The following HS2ST1 variants were observed in gnomAD, a reference collection of about 807,000 sequenced individuals.
HS2ST1 encodes 2-O-sulfotransferase.
Under a neutral mutation model 42.9 loss-of-function variants are expected in HS2ST1, and 18 were observed. The ratio of observed to expected loss-of-function variants is 0.42; its 90% CI spans 0.29 to 0.62. The LOEUF (loss-of-function observed/expected upper bound fraction) is 0.62, where lower values mean the gene tolerates loss of function less well. Ranked by LOEUF, HS2ST1 falls within the 20% of genes least tolerant of loss-of-function variation. The pLI is 0.21. For synonymous variants in HS2ST1, 146 were observed against 152.9 expected (o/e 0.95, Z 0.33); for missense variants, 334 against 433.8 (o/e 0.77, Z 2.04).
intron 2 of HS2ST1, among the ~76,000 whole-genome samples, chr1:87,075,161 CTTTTTTTT>C (rs34812948): frequency 2.1e-5 from 1 of 48,596 alleles, no homozygotes; most frequent in Non-Finnish European, 3.6e-5. Flanking sequence ...TCTCAGCTAC[CTTTTTTTT>C]TTTTTTTTTT....
intron 1 of HS2ST1, among the ~76,000 whole-genome samples, chr1:86,919,280 C>T (rs923167300): frequency 5.9e-5 from 9 of 152,008 alleles, no homozygotes; most frequent in Non-Finnish European, 1.2e-4. Flanking sequence ...CCATTTGTTT[C>T]TTGACTTTAT....
chr1:87,062,757 C>T (rs2100624668), intron 1 of HS2ST1, among the ~76,000 whole-genome samples: 1 of 152,158 alleles, frequency 6.6e-6, no homozygotes, highest in African/African-American at 2.4e-5. Flanking sequence ...AATTTTCTTT[C>T]ATGTGAGTTA....
At chr1:87,055,611 G>A (rs1043216978) in intron 1 of HS2ST1, among the ~76,000 whole-genome samples, 1 of 152,226 alleles carries the variant, frequency 6.6e-6, no homozygotes. Context: ...GCTTATAGAA[G>A]TTGTTCTGAA....
intron 1 of HS2ST1, among the ~76,000 whole-genome samples, chr1:86,993,346 G>A (rs776315325): frequency 3.3e-5 from 5 of 152,138 alleles, no homozygotes; most frequent in Non-Finnish European, 5.9e-5. Flanking sequence ...GAAAAATACA[G>A]CAGTGTTGAC....
At chr1:86,937,764 C>T (rs1389785834) in intron 1 of HS2ST1, among the ~76,000 whole-genome samples, 3 of 150,834 alleles carry the variant, frequency 2.0e-5, no homozygotes, top group Non-Finnish European at 3.0e-5. Context: ...GCTAATCAGT[C>T]TTTTTTTTTC....
intron 1 of HS2ST1, among the ~76,000 whole-genome samples, chr1:87,009,551 C>T (rs1034053773): frequency 1.3e-5 from 2 of 152,168 alleles, no homozygotes; most frequent in African/African-American, 4.8e-5. Context: ...TCTCACTCCC[C>T]ACATATCATG....
intron 1 of HS2ST1, among the ~76,000 whole-genome samples, chr1:86,917,132 A>G (rs1660175997): frequency 6.6e-6 from 1 of 152,192 alleles, no homozygotes; most frequent in Non-Finnish European, 1.5e-5. Flanking sequence ...GGGTGTTACC[A>G]TGCCTAGCAG....
chr1:87,028,631 T>G (rs1231549777), intron 1 of HS2ST1, among the ~76,000 whole-genome samples: 1 of 152,220 alleles, frequency 6.6e-6, no homozygotes, highest in Non-Finnish European at 1.5e-5. Context: ...TTGGATATTT[T>G]AACAGTGGGT....
intron 1 of HS2ST1, among the ~76,000 whole-genome samples, chr1:86,941,759 A>G (rs1282380731): frequency 6.6e-5 from 10 of 152,188 alleles, no homozygotes; most frequent in African/African-American, 1.9e-4. Context: ...TGGGCAACAG[A>G]GCAAGAATCC....
chr1:87,062,013 G>A (rs1487990912), intron 1 of HS2ST1, among the ~76,000 whole-genome samples: 2 of 150,824 alleles, frequency 1.3e-5, no homozygotes, highest in Admixed American at 6.6e-5. Flanking sequence ...TGATTTGCAT[G>A]TCCCAGTGAC....
At chr1:87,066,310 C>A (rs1651248821) in intron 1 of HS2ST1, among the ~76,000 whole-genome samples, 1 of 152,172 alleles carries the variant, frequency 6.6e-6, no homozygotes, top group African/African-American at 2.4e-5. Flanking sequence ...TGCCATGGAG[C>A]TAAGTGTCCA....
intron 2 of HS2ST1, among the ~76,000 whole-genome samples, chr1:87,074,527 G>A (rs1479253287): frequency 2.0e-5 from 3 of 152,166 alleles, no homozygotes; most frequent in African/African-American, 7.2e-5. Context: ...GTAACTGCAA[G>A]ATGTCTGGCA....
intron 1 of HS2ST1, among the ~76,000 whole-genome samples, chr1:86,929,221 A>G (rs1342426225): frequency 6.6e-6 from 1 of 151,892 alleles, no homozygotes; most frequent in African/African-American, 2.4e-5. Context: ...ATAATATCTA[A>G]CTACTTTCTC....
chr1:86,960,021 G>T (rs1647786719), intron 1 of HS2ST1, among the ~76,000 whole-genome samples: 1 of 152,148 alleles, frequency 6.6e-6, no homozygotes, highest in African/African-American at 2.4e-5. Flanking sequence ...TGACACTATT[G>T]TACTTAAAGA....
chr1:87,031,196 C>T (rs1650229540), intron 1 of HS2ST1, among the ~76,000 whole-genome samples: 1 of 152,152 alleles, frequency 6.6e-6, no homozygotes, highest in Non-Finnish European at 1.5e-5. Flanking sequence ...CCGCCTCAGC[C>T]TCCCAAAGTG....
intron 1 of HS2ST1, among the ~76,000 whole-genome samples, chr1:87,020,906 C>G (rs1389955586): frequency 6.6e-6 from 1 of 152,208 alleles, no homozygotes; most frequent in Non-Finnish European, 1.5e-5. Flanking sequence ...TAGCCCTCAT[C>G]TAAATGAACC....
chr1:86,945,957 A>G (rs536311925), intron 1 of HS2ST1, among the ~76,000 whole-genome samples: 13 of 152,206 alleles, frequency 8.5e-5, no homozygotes, highest in East Asian at 3.8e-4. Context: ...ACAAAATTCA[A>G]GTCTCCAAAA....
At chr1:87,094,982 C>T (rs1316054796) in intron 4 of HS2ST1, among the ~76,000 whole-genome samples, 1 of 152,052 alleles carries the variant, frequency 6.6e-6, no homozygotes, top group African/African-American at 2.4e-5. Context: ...TTGTGCTAGA[C>T]AGAATGTACC....
intron 1 of HS2ST1, among the ~76,000 whole-genome samples, chr1:87,052,171 T>C (rs1311557119): frequency 6.6e-6 from 1 of 152,176 alleles, no homozygotes; most frequent in Non-Finnish European, 1.5e-5. Context: ...GAGGATCACT[T>C]GAGCCTGGGA....
Sources: gnomAD v4.1 joint callset for allele counts (sites outside exome capture counted in the v4.1 genomes callset) on GRCh38, gnomAD v4.1.1 for gene constraint, MANE v1.5 for transcripts, NCBI Gene and HGNC (gene_info 2026-07-23, HGNC 2026-07-21) for gene names.